Variants in ANO4 observed in about 807,000 individuals in gnomAD.
ANO4 encodes the protein anoctamin-4.
ANO4 carries 69 observed loss-of-function variants against 141.9 expected under a neutral mutation model. The ratio of observed to expected loss-of-function variants is 0.49; its 90% CI spans 0.40 to 0.59. The LOEUF (loss-of-function observed/expected upper bound fraction) is 0.59. ANO4 is among the 20% of genes least tolerant of loss of function. The pLI, the probability that ANO4 is intolerant of heterozygous loss-of-function variation, is 0.00. For synonymous variants in ANO4, 350 were observed against 394.3 expected (o/e 0.89, Z 1.33); for missense variants, 894 against 1,162.2 (o/e 0.77, Z 3.36).
chr12:100,801,964 A>C (rs1173512625), intron 1 of ANO4, among the ~76,000 whole-genome samples: 1 of 152,228 alleles, frequency 6.6e-6, no homozygotes, highest in Non-Finnish European at 1.5e-5. Context: ...GAAGGAGAGC[A>C]GTTGCGCAGT....
At chr12:100,906,255 TC>T (rs999536808) in intron 2 of ANO4, among the ~76,000 whole-genome samples, 8 of 152,222 alleles carry the variant, frequency 5.3e-5, no homozygotes, top group African/African-American at 1.7e-4. Context: ...TGATAGTGAT[TC>T]ATTTTGTGAT....
chr12:100,788,543 T>C (rs186991971), intron 3 of ANO4, among the ~76,000 whole-genome samples: 19 of 152,294 alleles, frequency 1.2e-4, no homozygotes, highest in African/African-American at 3.8e-4. Flanking sequence ...TTGAACGTTG[T>C]TATACTACCC....
At chr12:100,930,134 C>G (rs894961562) in intron 3 of ANO4, among the ~76,000 whole-genome samples, 1 of 152,156 alleles carries the variant, frequency 6.6e-6, no homozygotes, top group Non-Finnish European at 1.5e-5. Flanking sequence ...TGTGGGTTGT[C>G]TCTTCACTTT....
intron 3 of ANO4, among the ~76,000 whole-genome samples, chr12:100,760,961 T>C (rs1275763308): frequency 1.3e-5 from 2 of 152,190 alleles, no homozygotes; most frequent in Non-Finnish European, 2.9e-5. Flanking sequence ...ACTCTCCTGC[T>C]TCTCATCCTA....
At chr12:101,038,014 CT>C (rs35252877) in intron 10 of ANO4, among the ~76,000 whole-genome samples, 2 of 151,718 alleles carry the variant, frequency 1.3e-5, no homozygotes, top group Non-Finnish European at 2.9e-5. Flanking sequence ...CCAAAACATA[CT>C]TTTTTTTGGC....
At chr12:101,121,730 G>A (rs924189554) in intron 26 of ANO4, among the ~76,000 whole-genome samples, 12 of 148,048 alleles carry the variant, frequency 8.1e-5, no homozygotes, top group Non-Finnish European at 1.5e-4. Context: ...CTGAAGCCTC[G>A]CCAGCATCTG....
Position 100,729,027 on chromosome 12 carries a change from CTAAT to C in ANO4, c.23-4744_23-4741del, listed in dbSNP as rs1319862296. Among the ~76,000 whole-genome samples, 3 of 152,012 alleles carry C rather than the reference CTAAT, an allele frequency of 2.0e-5. No homozygotes were observed. In the East Asian group the frequency reaches 5.8e-4, roughly 29 times the overall value. ...TGGAACCACCACGCTGACTTTTGTG[CTAAT>C]TATTTTGTTGCTTTTCTTTATAGTT... On this transcript the variant is annotated intron_variant, in intron 1 of 29. Coordinates refer to the ANO4 transcript ENST00000644049.
At chr12:101,006,305 G>A (rs1245649539) in intron 8 of ANO4, among the ~76,000 whole-genome samples, 1 of 151,910 alleles carries the variant, frequency 6.6e-6, no homozygotes, top group African/African-American at 2.4e-5. Flanking sequence ...CCAAGTTTTG[G>A]CATTCTAATC....
intron 1 of ANO4, among the ~76,000 whole-genome samples, chr12:100,882,212 A>C (rs1258242559): frequency 7.2e-5 from 11 of 152,198 alleles, no homozygotes; most frequent in Admixed American, 4.6e-4. Flanking sequence ...TCATAATTAG[A>C]TCAAGTTACG....
chr12:100,798,175 A>T (rs2135646526), intron 1 of ANO4, among the ~76,000 whole-genome samples: 1 of 152,324 alleles, frequency 6.6e-6, no homozygotes, highest in East Asian at 1.9e-4. Context: ...GGGTGTTATA[A>T]AGTAAAATCA....
At chr12:100,988,643 C>T (rs2044855046) in intron 8 of ANO4, among the ~76,000 whole-genome samples, 1 of 151,480 alleles carries the variant, frequency 6.6e-6, no homozygotes, top group Non-Finnish European at 1.5e-5. Context: ...GAGGCAGAGG[C>T]AGGCAGATCA....
At position 100,987,086 on chromosome 12, in the gene ANO4, G is replaced by A. The variant is rs556339169; in HGVS notation, c.603-453G>A. ...ATGGAGCTCTCTGCACAACTCCCAGGATGTGCTGCCAGCACCCCCTCCCGA... is the reference window on the plus strand; with the variant it reads ...ATGGAGCTCTCTGCACAACTCCCAGAATGTGCTGCCAGCACCCCCTCCCGA... On this transcript the variant is annotated intron_variant, in intron 7 of 27. Coordinates refer to ENST00000392977, the MANE Select transcript of ANO4 (RefSeq NM_001286615.2). 6.5e-4 allele frequency: 104 copies of A among 159,476 alleles called. 2 individuals are homozygous for A. The highest frequency in any genetic ancestry group is 6.5e-3 in the Middle Eastern group (2 of 308). 9.9% of individuals were successfully genotyped at this position (159,476 alleles called of 1,614,324 possible).
chr12:100,925,967 G>A (rs939855418), intron 3 of ANO4, among the ~76,000 whole-genome samples: 1 of 151,680 alleles, frequency 6.6e-6, no homozygotes, highest in African/African-American at 2.4e-5. Flanking sequence ...GGCCATGATG[G>A]TGTTTTCCCA....
intron 5 of ANO4, among the ~76,000 whole-genome samples, chr12:100,959,856 T>C (rs1220531333): frequency 2.6e-5 from 4 of 152,186 alleles, no homozygotes; most frequent in African/African-American, 9.7e-5. Context: ...CCTGTGACTT[T>C]TGTCCAGTTC....
Position 100,984,747 on chromosome 12 carries a change from T to C in ANO4, c.603-2792T>C, listed in dbSNP as rs1211019197. The stretch of plus-strand genomic sequence containing the variant: ...CCTTTTACCATGCCAAGCAGCATCC[T>C]CTTGCCTCCTTCTTGCTTCCTCTTT... On this transcript the variant is annotated intron_variant, in intron 7 of 27. Coordinates refer to ENST00000392977, the MANE Select transcript of ANO4 (RefSeq NM_001286615.2). Among the ~76,000 whole-genome samples the C allele has an allele frequency of 2.0e-5, 3 of 152,204 alleles. No individual in the cohort carries two copies. The East Asian group carries it at 5.8e-4, about 29-fold the overall frequency.
intron 25 of ANO4, among the ~76,000 whole-genome samples, chr12:101,117,112 C>A (rs1455565272): frequency 2.6e-5 from 4 of 152,202 alleles, no homozygotes; most frequent in East Asian, 1.9e-4. Flanking sequence ...CAGGGACAGA[C>A]AATCCCCAGG....
intron 2 of ANO4, among the ~76,000 whole-genome samples, chr12:100,904,661 G>A (rs1245323969): frequency 1.3e-5 from 2 of 152,156 alleles, no homozygotes; most frequent in Admixed American, 1.3e-4. Context: ...TGAGGTTGTA[G>A]GGACTAGATC....
chr12:100,912,121 C>T (rs190072337), intron 2 of ANO4, among the ~76,000 whole-genome samples: 14 of 152,058 alleles, frequency 9.2e-5, no homozygotes, highest in South Asian at 8.3e-4. Context: ...TGTGGCCGGG[C>T]GCGGTGGCTC....
intron 5 of ANO4, among the ~76,000 whole-genome samples, chr12:100,958,897 A>G (rs1005711130): frequency 5.3e-5 from 8 of 152,186 alleles, no homozygotes; most frequent in African/African-American, 1.9e-4. Flanking sequence ...ACATGGCACA[A>G]GAAAAACCAG....
Sources: allele counts gnomAD v4.1 joint callset (sites outside exome capture counted in the v4.1 genomes callset), GRCh38; gene constraint gnomAD v4.1.1; transcripts MANE v1.5; gene names NCBI Gene and HGNC (gene_info 2026-07-23, HGNC 2026-07-21).